LRMDA: variants seen among roughly 807,000 people sequenced by gnomAD.
LRMDA encodes leucine rich melanocyte differentiation associated, also known as leucine-rich melanocyte differentiation-associated protein.
Under a neutral mutation model 29.8 loss-of-function variants are expected in LRMDA, and 18 were observed. The observed-to-expected ratio is 0.60, with a 90% confidence interval of 0.42 to 0.90. The LOEUF is 0.90. Ranked by LOEUF, LRMDA falls within the 40% of genes least tolerant of loss-of-function variation. The pLI, the probability that LRMDA is intolerant of heterozygous loss-of-function variation, is 0.00. For synonymous variants in LRMDA, 125 were observed against 109.4 expected, an observed-to-expected ratio of 1.14 and a Z score of -0.89; for missense variants, 273 against 273.9, an observed-to-expected ratio of 1.00 and a Z score of 0.02.
intron 2 of LRMDA, among the ~76,000 whole-genome samples, chr10:75,535,807 GC>G (rs763348266): frequency 1.1e-4 from 16 of 152,156 alleles, no homozygotes; most frequent in Non-Finnish European, 2.2e-4. Flanking sequence ...GATGCCCCCT[GC>G]CCTGGGAGGA....
intron 6 of LRMDA, among the ~76,000 whole-genome samples, chr10:76,405,070 CT>C (rs1344403101): frequency 6.6e-6 from 1 of 152,104 alleles, no homozygotes; most frequent in African/African-American, 2.4e-5. Context: ...CGGTGAGACC[CT>C]TTTTGGACTT....
intron 2 of LRMDA, among the ~76,000 whole-genome samples, chr10:75,481,238 G>A (rs571251530): frequency 6.6e-6 from 1 of 152,230 alleles, no homozygotes. Flanking sequence ...AGCGTGAGAA[G>A]AGATTATAGG....
chr10:76,239,015 G>A (rs577806202), intron 5 of LRMDA, among the ~76,000 whole-genome samples: 1 of 152,266 alleles, frequency 6.6e-6, no homozygotes, highest in Middle Eastern at 3.4e-3. Flanking sequence ...AAGGGGGTGA[G>A]ATGGATCAAC....
intron 2 of LRMDA, among the ~76,000 whole-genome samples, chr10:75,580,209 A>G (rs1421691685): frequency 5.9e-5 from 9 of 152,184 alleles, no homozygotes; most frequent in East Asian, 1.9e-4. Context: ...AAGCTGATAA[A>G]AAACTTCAGC....
At chr10:75,703,786 G>A (rs1841011744) in intron 2 of LRMDA, among the ~76,000 whole-genome samples, 1 of 152,174 alleles carries the variant, frequency 6.6e-6, no homozygotes, top group African/African-American at 2.4e-5. Flanking sequence ...ATCTACAAAT[G>A]TCAGAATAAA....
chr10:75,519,574 C>G (rs907939923), intron 2 of LRMDA, among the ~76,000 whole-genome samples: 3 of 152,116 alleles, frequency 2.0e-5, no homozygotes, highest in African/African-American at 7.2e-5. Context: ...CTATGTGTGT[C>G]TCTGCACTTG....
chr10:75,916,587 C>T (rs529250195), intron 2 of LRMDA, among the ~76,000 whole-genome samples: 73 of 152,310 alleles, frequency 4.8e-4, no homozygotes, highest in Admixed American at 2.2e-3. Context: ...ATACCCTCTG[C>T]TCTGCCATGC....
chr10:75,711,149 A>T (rs1842431227), intron 2 of LRMDA, among the ~76,000 whole-genome samples: 1 of 152,226 alleles, frequency 6.6e-6, no homozygotes, highest in African/African-American at 2.4e-5. Flanking sequence ...ACTGATTCCC[A>T]GTGGATCTTT....
rs147768808 is a variant in LRMDA at position 76,036,069 on chromosome 10, C to T, written c.193C>T (p.Leu65=). 3.4e-3 allele frequency: 5,447 copies of T among 1,614,052 alleles called. 16 individuals are homozygous for T. Among genetic ancestry groups the T allele is most frequent in the Non-Finnish European group, 4.3e-3 (5,127 of 1,180,050 alleles). The change falls in exon 3 of 7, where the codon CTG becomes TTG. Residue 65 remains leucine (L), a synonymous_variant. Transcript: ENST00000611255. ...LEELILDNNQ[L]GDDLVLPGLP... ...GGAACTCATCTTGGACAACAATCAGCTGGGGGACGACCTTGTGTTGCCAGG... is the reference window on the plus strand; with the variant it reads ...GGAACTCATCTTGGACAACAATCAGTTGGGGGACGACCTTGTGTTGCCAGG...
intron 2 of LRMDA, among the ~76,000 whole-genome samples, chr10:75,685,336 G>T (rs1372374833): frequency 6.6e-6 from 1 of 152,150 alleles, no homozygotes; most frequent in Non-Finnish European, 1.5e-5. Flanking sequence ...CCTGGCCTGT[G>T]AAGGGCAGAT....
chr10:76,052,400 G>A (rs1417656014), intron 4 of LRMDA, among the ~76,000 whole-genome samples: 2 of 152,128 alleles, frequency 1.3e-5, no homozygotes, highest in African/African-American at 4.8e-5. Flanking sequence ...CTTTTCTGTG[G>A]TTGTAAGGTG....
chr10:76,473,252 A>T (rs1842635670), intron 6 of LRMDA, among the ~76,000 whole-genome samples: 1 of 151,596 alleles, frequency 6.6e-6, no homozygotes, highest in African/African-American at 2.4e-5. Context: ...AATAAAGGAC[A>T]AAAACCACAT....
chr10:76,422,011 G>T (rs769082835), intron 6 of LRMDA, among the ~76,000 whole-genome samples: 3 of 152,104 alleles, frequency 2.0e-5, no homozygotes, highest in Non-Finnish European at 2.9e-5. Flanking sequence ...TGGGAAACTG[G>T]GCTGCAGACT....
At chr10:75,777,015 G>A (rs1373285555) in intron 2 of LRMDA, among the ~76,000 whole-genome samples, 6 of 152,266 alleles carry the variant, frequency 3.9e-5, no homozygotes, top group East Asian at 1.9e-4. Context: ...CTGCAGAGCC[G>A]GGGAGGGAAA....
intron 2 of LRMDA, among the ~76,000 whole-genome samples, chr10:75,737,353 C>T (rs1428271521): frequency 6.6e-6 from 1 of 152,222 alleles, no homozygotes; most frequent in Admixed American, 6.5e-5. Context: ...CTGGCATTCC[C>T]TGAGCCTTGT....
chr10:75,842,392 C>T (rs551549325), intron 2 of LRMDA, among the ~76,000 whole-genome samples: 2 of 152,184 alleles, frequency 1.3e-5, no homozygotes, highest in Non-Finnish European at 2.9e-5. Flanking sequence ...CTTGATTTTA[C>T]CACTTGGCCT....
chr10:76,504,132 A>G (rs1006434757), intron 6 of LRMDA, among the ~76,000 whole-genome samples: 66 of 151,912 alleles, frequency 4.3e-4, no homozygotes, highest in African/African-American at 1.2e-3. Context: ...CTGTATTTGT[A>G]TAGTTTTGAG....
At chr10:76,282,562 A>T (rs1319959250) in intron 5 of LRMDA, among the ~76,000 whole-genome samples, 1 of 152,164 alleles carries the variant, frequency 6.6e-6, no homozygotes, top group Non-Finnish European at 1.5e-5. Context: ...GCTTGATGAG[A>T]TTAAACAATT....
chr10:75,923,336 CA>C (rs1178024495), intron 2 of LRMDA, among the ~76,000 whole-genome samples: 1 of 152,136 alleles, frequency 6.6e-6, no homozygotes, highest in Non-Finnish European at 1.5e-5. Flanking sequence ...GTCAATGGTT[CA>C]GTTAATAATG....
Sources: allele counts gnomAD v4.1 joint callset (sites outside exome capture counted in the v4.1 genomes callset), GRCh38; gene constraint gnomAD v4.1.1; transcripts MANE v1.5; gene names NCBI Gene and HGNC (gene_info 2026-07-23, HGNC 2026-07-21).